NDE1: variants seen among roughly 807,000 people sequenced by gnomAD.
NDE1 encodes nudE neurodevelopment protein 1.
In NDE1, 28 loss-of-function variants were observed where a neutral mutation model predicts 43.4. That is an observed-to-expected ratio of 0.65 (90% CI 0.48 to 0.89). NDE1 has a LOEUF of 0.89. NDE1 is among the 40% of genes least tolerant of loss of function. NDE1 has a pLI of 0.00. For missense variants in NDE1, 441 were observed against 434.1 expected (o/e 1.02, Z -0.14); for synonymous variants, 184 against 172.0 (o/e 1.07, Z -0.55).
chr16:15,658,789 T>G (rs1431030988), intron 1 of NDE1, among the ~76,000 whole-genome samples: 1 of 152,046 alleles, frequency 6.6e-6, no homozygotes, highest in East Asian at 1.9e-4. Context: ...CCCGAGTAGT[T>G]GGGATCATAG....
intron 7 of NDE1, chr16:15,695,065 C>A (rs1200918654): frequency 8.2e-6 from 2 of 245,320 alleles, no homozygotes; most frequent in African/African-American, 2.3e-5. Flanking sequence ...CACTGGTGGT[C>A]CCAGCTACTC....
At position 15,710,514 on chromosome 16, in the gene NDE1, C is replaced by T. The variant is rs527522122; in HGVS notation, c.947+13654C>T. Among the ~76,000 whole-genome samples the T allele has an allele frequency of 2.6e-4, 40 of 151,858 alleles. 1 individual carries two copies. Among genetic ancestry groups the T allele is most frequent in the African/African-American group, 8.5e-4 (35 of 41,330 alleles). ...CCAGCCTGGCAACAGAGCTAGACTC[C>T]GTCTAAAAATAAATAATAAAAAGAA... On this transcript the variant is annotated intron_variant, in intron 8 of 8. Transcript: ENST00000396354.
intron 7 of NDE1, chr16:15,695,399 T>C (rs2038964540): frequency 1.4e-6 from 1 of 698,822 alleles, no homozygotes; most frequent in Non-Finnish European, 1.8e-6. Context: ...TCCCAGCTAC[T>C]TGAGAGGCTT....
intron 3 of NDE1, among the ~76,000 whole-genome samples, chr16:15,672,406 A>C (rs536269422): frequency 1.3e-5 from 2 of 152,190 alleles, no homozygotes; most frequent in African/African-American, 4.8e-5. Flanking sequence ...TACTGCAGCC[A>C]CATGTCAGAT....
Position 15,721,633 on chromosome 16 carries a change from A to G in NDE1, c.948-2558A>G. On this transcript the variant is annotated intron_variant, in intron 8 of 8. Transcript: ENST00000396354. ...AGAGATGTTTTTCTCCTCGGCTAAC[A>G]ACTACAACACAAGACCCAGAGGTGA... The G allele has an allele frequency of 6.2e-7, 1 of 1,614,132 alleles. No homozygotes were observed. Among genetic ancestry groups the G allele is most frequent in the African/African-American group, 1.3e-5 (1 of 75,032 alleles).
At chr16:15,653,879 CA>C (rs1945989143) in intron 1 of NDE1, among the ~76,000 whole-genome samples, 1 of 151,922 alleles carries the variant, frequency 6.6e-6, no homozygotes, top group African/African-American at 2.4e-5. Flanking sequence ...AGGTGTGCAT[CA>C]CCACACCTGG....
rs138992501 is a variant in NDE1 at position 15,697,312 on chromosome 16, C to T, written c.947+452C>T. 9.7e-4 allele frequency among the ~76,000 whole-genome samples: 147 copies of T among 152,214 alleles called. 3 individuals carry two copies. Among genetic ancestry groups the T allele is most frequent in the South Asian group, 7.5e-3 (36 of 4,818 alleles). On this transcript the variant is annotated intron_variant, in intron 8 of 8. Coordinates refer to ENST00000396354, the MANE Select transcript of NDE1 (RefSeq NM_017668.3). The stretch of plus-strand genomic sequence containing the variant: ...CACCCTTCATCCTCCCAAAGTGCTG[C>T]GACGACAGGTGTGGGCTACCATGCC...
chr16:15,647,286 G>A (rs1424933264), upstream of NDE1, among the ~76,000 whole-genome samples: 1 of 152,200 alleles, frequency 6.6e-6, no homozygotes, highest in Non-Finnish European at 1.5e-5. Flanking sequence ...GCAAGATGGG[G>A]TGGGAGATCC....
chr16:15,696,649 C>A, intron 7 of NDE1, 60 bp from the exon 8 acceptor site: 1 of 1,613,398 alleles, frequency 6.2e-7, no homozygotes. Context: ...TGTACAGGCT[C>A]TGGTAAGACA....
chr16:15,667,418 C>T lies in NDE1; in HGVS notation c.216C>T (p.Arg72=). 1 of 1,613,806 alleles carries T rather than the reference C, an allele frequency of 6.2e-7. No individual in the cohort carries two copies. The highest frequency in any genetic ancestry group is 8.5e-7 in the Non-Finnish European group (1 of 1,179,850). ...TCCTGTCCGAAAATAACCGCCTTCG[C>T]ATGGAGCTGGAAACCATCAAGGTGA... The part of the protein sequence containing the change: ...RDLLSENNRL[R]MELETIKEKF... Residue 72 remains arginine, a synonymous_variant, in exon 3 of 9, where the codon CGC becomes CGT. Transcript: ENST00000396354.
In NDE1 at chr16:15,724,436, TGA is replaced by T; in HGVS notation, c.*189_*190del. 10 of 1,612,858 alleles carry T rather than the reference TGA, an allele frequency of 6.2e-6. No individual in the cohort carries two copies. Among genetic ancestry groups the T allele is most frequent in the Non-Finnish European group, 8.5e-6 (10 of 1,179,864 alleles). ...TACAAGGACAGCGTCCAGGGTAGGG[TGA>T]GAGGGGGACCATGAGTGGCCCCTGT... On this transcript the variant is annotated 3_prime_UTR_variant, in exon 9 of 9. Transcript: ENST00000396354.
chr16:15,673,892 TG>T (rs1489607115), intron 3 of NDE1, among the ~76,000 whole-genome samples: 1 of 152,036 alleles, frequency 6.6e-6, no homozygotes, highest in Non-Finnish European at 1.5e-5. Context: ...TGGATTGAGA[TG>T]GTTTAGGGCT....
At chr16:15,650,054 C>T (rs1192098953), upstream of NDE1, among the ~76,000 whole-genome samples, 1 of 152,218 alleles carries the variant, frequency 6.6e-6, no homozygotes, top group East Asian at 1.9e-4. Context: ...CTCTCAAACC[C>T]CCTCCGGCCA....
intron 8 of NDE1, chr16:15,712,842 A>T (rs2039881465): frequency 7.0e-6 from 1 of 142,574 alleles, no homozygotes; most frequent in African/African-American, 2.7e-5. Flanking sequence ...TGGGAGAGTG[A>T]TGGGTGGGGG....
rs1177615503 is a variant in NDE1, at chr16:15,667,627, G to GTTTTTTTTT, written c.237+192_237+193insTTTTTTTTT. ...GTGCCTCTAGTGGGTGGTGCTTTTT[G>GTTTTTTTTT]TTTTGTTTTTTTTTTTTTTTTGAGA... On this transcript the variant is annotated intron_variant, in intron 3 of 8. Coordinates refer to ENST00000396354, the MANE Select transcript of NDE1 (RefSeq NM_017668.3). Among the ~76,000 whole-genome samples, 55 of 113,102 alleles carry GTTTTTTTTT rather than the reference G, an allele frequency of 4.9e-4. 3 individuals carry two copies. The highest frequency in any genetic ancestry group is 1.8e-3 in the South Asian group (6 of 3,420). The allele number at this position is 113,102 out of a possible 152,430, so 74.2% of individuals were successfully genotyped here.
At chr16:15,722,944 A>G (rs2040561883) in intron 8 of NDE1, among the ~76,000 whole-genome samples, 1 of 151,984 alleles carries the variant, frequency 6.6e-6, no homozygotes, top group South Asian at 2.1e-4. Flanking sequence ...AAGTTGCACG[A>G]TGTTGGCCAG....
intron 8 of NDE1, among the ~76,000 whole-genome samples, chr16:15,722,236 G>T (rs2040524403): frequency 6.6e-6 from 1 of 152,136 alleles, no homozygotes; most frequent in Admixed American, 6.6e-5. Flanking sequence ...ATTTAAAGCT[G>T]CCAGAAGCTA....
chr16:15,725,684 A>G lies in NDE1; in HGVS notation c.*1433A>G, dbSNP rs1460191895. On this transcript the variant is annotated 3_prime_UTR_variant, in exon 9 of 9. Coordinates refer to ENST00000396354, the MANE Select transcript of NDE1 (RefSeq NM_017668.3). Reference sequence around the variant, plus strand: ...ACTGCATGTGAGAAAAAAACATCTCACTTAATTCTTCCCTCGCCCCTTGGT... The same window carrying G: ...ACTGCATGTGAGAAAAAAACATCTCGCTTAATTCTTCCCTCGCCCCTTGGT... 5.0e-6 allele frequency: 2 copies of G among 398,816 alleles called. No individual in the cohort carries two copies. Among genetic ancestry groups the G allele is most frequent in the African/African-American group, 4.1e-5 (2 of 48,604 alleles). 24.7% of individuals were successfully genotyped at this position (398,816 alleles called of 1,614,324 possible). A position where few individuals can be genotyped will look rare whatever the true frequency, so the allele number is the denominator to read the frequency against.
Position 15,712,882 on chromosome 16 carries a change from G to GTTTTTTTTTTTTGTTTTTTT in NDE1, c.948-11297_948-11296insGTTTTTTTTTTTTTTTTTTT, listed in dbSNP as rs2039890011. 2.5e-4 allele frequency: 23 copies of GTTTTTTTTTTTTGTTTTTTT among 90,632 alleles called. 1 individual carries two copies. The highest frequency in any genetic ancestry group is 9.9e-4 in the African/African-American group (22 of 22,252). 5.6% of individuals were successfully genotyped at this position (90,632 alleles called of 1,614,324 possible). On this transcript the variant is annotated intron_variant, in intron 8 of 8. Coordinates refer to ENST00000396354, the MANE Select transcript of NDE1 (RefSeq NM_017668.3). ...GGGAACCAGCAACTCTTCACATACA[G>GTTTTTTTTTTTTGTTTTTTT]TTTTTTTTTTTTTGAGACCGAGTCT... is the stretch of plus-strand genomic sequence containing the variant.
Sources: gnomAD v4.1 joint callset for allele counts (sites outside exome capture counted in the v4.1 genomes callset) on GRCh38, gnomAD v4.1.1 for gene constraint, MANE v1.5 for transcripts, NCBI Gene and HGNC (gene_info 2026-07-23, HGNC 2026-07-21) for gene names.